The following CCR7 variants were observed in gnomAD, a reference collection of about 807,000 sequenced individuals.
CCR7 encodes the protein C-C chemokine receptor type 7.
A neutral mutation model predicts 26.0 loss-of-function variants in CCR7; 11 were observed. The observed-to-expected ratio is 0.42, with a 90% CI of 0.27 to 0.70. The LOEUF is 0.70. CCR7 is among the 30% of genes least tolerant of loss of function. CCR7 has a pLI of 0.23. For synonymous variants in CCR7, 189 were observed against 202.1 expected (o/e 0.94, Z 0.55); for missense variants, 360 against 504.0 (o/e 0.71, Z 2.74).
rs376263247 is a variant in CCR7, at chr17:40,556,525, GTCTC to G, written c.61-711_61-708del. ...GCCTTGAGCTGGTTAAACTCTTTCT[GTCTC>G]TCTCTCTCTCTCTCAGAGCCTCAGT... On this transcript the variant is annotated intron_variant, in intron 2 of 2. Transcript: ENST00000246657. 2.0e-5 allele frequency among the ~76,000 whole-genome samples: 3 copies of G among 150,334 alleles called. No homozygotes were observed. The South Asian group carries it at 6.3e-4, about 32-fold the overall frequency.
chr17:40,559,297 T>G (rs2036628317), intron 1 of CCR7, among the ~76,000 whole-genome samples: 2 of 152,150 alleles, frequency 1.3e-5, no homozygotes, highest in Non-Finnish European at 2.9e-5. Flanking sequence ...GGTTGGTGGG[T>G]CTGAGTGCCC....
chr17:40,562,657 C>T (rs747204082), intron 1 of CCR7, among the ~76,000 whole-genome samples: 14 of 152,130 alleles, frequency 9.2e-5, no homozygotes, highest in Non-Finnish European at 1.6e-4. Context: ...TTAGGGATGC[C>T]GTACCACGTT....
intron 1 of CCR7, among the ~76,000 whole-genome samples, chr17:40,562,177 G>A (rs11574664): frequency 3.2e-3 from 486 of 152,226 alleles, no homozygotes; most frequent in African/African-American, 0.011. Flanking sequence ...CCTTCTGTGC[G>A]GCCACTGGGT....
chr17:40,559,758 C>T (rs887586973), intron 1 of CCR7, among the ~76,000 whole-genome samples: 1 of 152,166 alleles, frequency 6.6e-6, no homozygotes, highest in South Asian at 2.1e-4. Context: ...ATGATAAATA[C>T]ATGAATGATG....
At chr17:40,560,897 C>T (rs1452550245) in intron 1 of CCR7, 2 of 152,326 alleles carry the variant, frequency 1.3e-5, no homozygotes, top group African/African-American at 4.8e-5. Context: ...CTCCCCACCG[C>T]TCATTCCCCT....
chr17:40,565,465 C>A lies in CCR7; in HGVS notation c.-56G>T. 6.3e-7 allele frequency: 1 copy of A among 1,590,380 alleles called. No individual in the cohort carries two copies. Among genetic ancestry groups the A allele is most frequent in the East Asian group, 2.2e-5 (1 of 44,756 alleles). ...AAGGCTGTGCCCGGCCTCGCACTAC[C>A]CCTGTCTGGGGAGGAAGTGGTTCAA... is the stretch of plus-strand genomic sequence containing the variant. On this transcript the variant is annotated 5_prime_UTR_variant, in exon 1 of 3. Transcript: ENST00000246657.
At position 40,563,566 on chromosome 17, in the gene CCR7, G is replaced by T. The variant is rs1018497289; in HGVS notation, c.10+1834C>A. Among the ~76,000 whole-genome samples the T allele has an allele frequency of 2.6e-5, 4 of 152,186 alleles. No individual in the cohort carries two copies. The South Asian group carries it at 8.3e-4, about 32-fold the overall frequency. On this transcript the variant is annotated intron_variant, in intron 1 of 2. Coordinates refer to ENST00000246657, the MANE Select transcript of CCR7 (RefSeq NM_001838.4). ...CCTCCTCACCCACCTCTTGCTCCTT[G>T]CTGGGCAGATGAAGAGCAGAACAAC...
In CCR7 at chr17:40,554,778, A is replaced by G. The variant is rs1281196507; in HGVS notation, c.1101T>C (p.Ser367=). 1.2e-6 allele frequency: 2 copies of G among 1,613,062 alleles called. No homozygotes were observed. Among genetic ancestry groups the G allele is most frequent in the South Asian group, 1.1e-5 (1 of 91,036 alleles). ...AGGTGGTGGTGGTCTCGGCCTCCAC[A>G]CTCATGGAGGAGCGCCGGATGTGCC... ...SCRHIRRSSM[S]VEAETTTTFS... Residue 367 remains serine (S), a synonymous_variant, in exon 3 of 3, where the codon AGT becomes AGC. Coordinates refer to ENST00000246657, the MANE Select transcript of CCR7 (RefSeq NM_001838.4).
rs947333410 is a variant in CCR7, at chr17:40,554,792, G to C, written c.1087C>G (p.Arg363Gly). The C allele has an allele frequency of 1.2e-6, 2 of 1,613,830 alleles. No homozygotes were observed. The highest frequency in any genetic ancestry group is 1.3e-5 in the African/African-American group (1 of 74,900). Residue 363 changes from arginine to glycine, a missense_variant, in exon 3 of 3, where the codon CGC becomes GGC. Arg to Gly is a moderately radical substitution (Grantham distance 125). Coordinates refer to ENST00000246657, the MANE Select transcript of CCR7 (RefSeq NM_001838.4). ...RQWSSCRHIR[R>G]SSMSVEAETT... is the part of the protein sequence containing the mutation. The stretch of plus-strand genomic sequence containing the variant: ...TCGGCCTCCACACTCATGGAGGAGC[G>C]CCGGATGTGCCGACAGGAAGACCAC...
At chr17:40,556,517 C>G (rs77003922) in intron 2 of CCR7, among the ~76,000 whole-genome samples, 1,788 of 150,452 alleles carry the variant, frequency 0.012, 35 homozygotes, top group African/African-American at 0.042. Context: ...GCTGGTTAAA[C>G]TCTTTCTGTC....
chr17:40,555,455 T>C lies in CCR7; in HGVS notation c.424A>G (p.Ser142Gly), dbSNP rs2036573458. The change falls in exon 3 of 3, where the codon AGT becomes GGT. Residue 142 changes from serine to glycine, a missense_variant. Coordinates refer to ENST00000246657, the MANE Select transcript of CCR7 (RefSeq NM_001838.4). The surrounding 1 kb of genome is among the most constrained non-coding windows in gnomAD (Gnocchi z 5.6). ...IFAIYKMSFFSGMLLLLCISI... is the reference protein window; with the variant it reads ...IFAIYKMSFFGGMLLLLCISI... ...ATGCAAAGAAGTAGGAGCATGCCAC[T>C]GAAGAAGCTCATCTTGTAGATGGCA... is the stretch of plus-strand genomic sequence containing the variant. The C allele has an allele frequency of 6.2e-7, 1 of 1,613,788 alleles. No individual in the cohort carries two copies. Among genetic ancestry groups the C allele is most frequent in the African/African-American group, 1.3e-5 (1 of 74,894 alleles).
chr17:40,565,350 G>A, intron 1 of CCR7, 50 bp downstream of exon 1: 1 of 1,534,678 alleles, frequency 6.5e-7, no homozygotes, highest in Non-Finnish European at 9.0e-7. Context: ...GTCAGTCTGG[G>A]TGTCCAAGAC....
chr17:40,556,405 C>T (rs980772715), intron 2 of CCR7, among the ~76,000 whole-genome samples: 1 of 152,184 alleles, frequency 6.6e-6, no homozygotes, highest in African/African-American at 2.4e-5. Flanking sequence ...TACAGTTCTG[C>T]TAGTAAGTAG....
chr17:40,558,946 T>A lies in CCR7; in HGVS notation c.11-4A>T. On this transcript the variant is annotated splice_polypyrimidine_tract_variant and splice_region_variant and intron_variant, in intron 1 of 2. Transcript: ENST00000246657. ...AGCACGCTTTTCATTGGTTTCCCTG[T>A]AGGAGACAAGGCGAGAAAGTTATTG... is the stretch of plus-strand genomic sequence containing the variant. 6.2e-7 allele frequency: 1 copy of A among 1,609,216 alleles called. No homozygotes were observed. Among genetic ancestry groups the A allele is most frequent in the Non-Finnish European group, 8.5e-7 (1 of 1,178,148 alleles).
intron 2 of CCR7, among the ~76,000 whole-genome samples, chr17:40,557,609 GCCATGGTTACGGC>G (rs2036605612): frequency 1.3e-5 from 2 of 152,186 alleles, no homozygotes; most frequent in African/African-American, 2.4e-5. Flanking sequence ...CTTTGGCCCA[GCCATGGTTACGGC>G]CCAAGGCCTT....
chr17:40,562,496 C>T (rs376312003), intron 1 of CCR7, among the ~76,000 whole-genome samples: 13 of 152,296 alleles, frequency 8.5e-5, no homozygotes, highest in South Asian at 6.2e-4. Context: ...CCAAAAGAGC[C>T]GGCCCCACCT....
At chr17:40,559,907 C>T (rs978244422) in intron 1 of CCR7, among the ~76,000 whole-genome samples, 4 of 152,100 alleles carry the variant, frequency 2.6e-5, no homozygotes, top group Non-Finnish European at 5.9e-5. Flanking sequence ...GATGTCACGA[C>T]TTCTTTATTT....
At chr17:40,563,276 T>C (rs1410551812) in intron 1 of CCR7, among the ~76,000 whole-genome samples, 1 of 151,992 alleles carries the variant, frequency 6.6e-6, no homozygotes, top group African/African-American at 2.4e-5. Context: ...AGCGTTCCTC[T>C]CCTCCCCAGC....
chr17:40,560,796 A>G (rs1190438083), intron 1 of CCR7: 1 of 152,036 alleles, frequency 6.6e-6, no homozygotes, highest in Non-Finnish European at 1.5e-5. Flanking sequence ...TGCATTTTCT[A>G]TTCTGGGGAC....
Sources: gnomAD v4.1 joint callset for allele counts (sites outside exome capture counted in the v4.1 genomes callset) on GRCh38, gnomAD v4.1.1 for gene constraint, Gnocchi (gnomAD v3.1) non-coding constraint, MANE v1.5 for transcripts, NCBI Gene and HGNC (gene_info 2026-07-23, HGNC 2026-07-21) for gene names.